ABCA10: variants seen among roughly 807,000 people sequenced by gnomAD.
ABCA10 encodes the protein ATP-binding cassette sub-family A member 10.
A neutral mutation model predicts 187.5 loss-of-function variants in ABCA10; 169 were observed. The ratio of observed to expected loss-of-function variants is 0.90; its 90% CI spans 0.80 to 1.02. The LOEUF is 1.02. Ranked by LOEUF, ABCA10 falls within the 50% of genes least tolerant of loss-of-function variation. The pLI is 0.00. For synonymous variants in ABCA10, 574 were observed against 601.8 expected (o/e 0.95, Z 0.68); for missense variants, 1,727 against 1,812.4 (o/e 0.95, Z 0.86).
At chr17:69,192,091 A>T (rs1465092225) in intron 16 of ABCA10, among the ~76,000 whole-genome samples, 1 of 152,160 alleles carries the variant, frequency 6.6e-6, no homozygotes, top group Admixed American at 6.5e-5. Context: ...TTGGGAGGCC[A>T]AGGCAGGCAG....
At chr17:69,160,073 C>T (rs566697493) in intron 27 of ABCA10, among the ~76,000 whole-genome samples, 5 of 152,064 alleles carry the variant, frequency 3.3e-5, no homozygotes, top group Admixed American at 2.6e-4. Flanking sequence ...GACTAGACAG[C>T]GATTTATTCA....
intron 27 of ABCA10, among the ~76,000 whole-genome samples, chr17:69,163,653 AAT>A (rs1255251735): frequency 6.6e-6 from 1 of 152,224 alleles, no homozygotes; most frequent in Middle Eastern, 3.2e-3. Flanking sequence ...CATTTGCCAT[AAT>A]ACACAGAAAT....
intron 3 of ABCA10, among the ~76,000 whole-genome samples, chr17:69,224,378 G>A (rs2074775713): frequency 6.6e-6 from 1 of 152,124 alleles, no homozygotes; most frequent in Non-Finnish European, 1.5e-5. Flanking sequence ...CTGGCAGAAT[G>A]AGGGCTAACA....
intron 1 of ABCA10, chr17:69,244,292 T>C (rs1315631511): frequency 6.6e-6 from 1 of 151,882 alleles, no homozygotes; most frequent in Non-Finnish European, 1.5e-5. Context: ...CTCAGATACT[T>C]AAAAAAAATT....
intron 22 of ABCA10, among the ~76,000 whole-genome samples, chr17:69,179,323 A>G (rs1235717890): frequency 6.6e-6 from 1 of 152,220 alleles, no homozygotes; most frequent in Non-Finnish European, 1.5e-5. Context: ...GTCTGGAGGT[A>G]ATATGCTAAG....
At chr17:69,157,036 G>T (rs1468784790) in intron 27 of ABCA10, 113 bp from the exon 28 acceptor site, 4 of 622,958 alleles carry the variant, frequency 6.4e-6, no homozygotes, top group African/African-American at 5.9e-5. Flanking sequence ...TTGAAGATTT[G>T]ATCATTTTCT....
intron 22 of ABCA10, among the ~76,000 whole-genome samples, chr17:69,177,562 A>G (rs1418043452): frequency 2.6e-5 from 4 of 152,128 alleles, no homozygotes; most frequent in African/African-American, 9.7e-5. Context: ...GCCATATTAG[A>G]ACTTGACTTG....
chr17:69,218,132 T>G (rs552380132), intron 6 of ABCA10, among the ~76,000 whole-genome samples: 1 of 152,262 alleles, frequency 6.6e-6, no homozygotes, highest in African/African-American at 2.4e-5. Flanking sequence ...TATACAACTA[T>G]GATGCATCAG....
At chr17:69,198,265 G>T (rs1271477311) in intron 10 of ABCA10, among the ~76,000 whole-genome samples, 1 of 152,166 alleles carries the variant, frequency 6.6e-6, no homozygotes, top group Non-Finnish European at 1.5e-5. Context: ...TATGACCTCT[G>T]TGCTTTATTT....
chr17:69,196,050 GC>G (rs1485366064), intron 11 of ABCA10, among the ~76,000 whole-genome samples: 1 of 152,182 alleles, frequency 6.6e-6, no homozygotes, highest in East Asian at 1.9e-4. Context: ...CATCATCATG[GC>G]CCGTTCTCAA....
intron 27 of ABCA10, among the ~76,000 whole-genome samples, chr17:69,162,271 G>C (rs1050696416): frequency 8.5e-5 from 13 of 152,126 alleles, no homozygotes; most frequent in Admixed American, 7.9e-4. Flanking sequence ...TGATTCTGAA[G>C]ACAAATCACA....
upstream of ABCA10, among the ~76,000 whole-genome samples, chr17:69,229,961 ATG>A (rs2074819711): frequency 1.3e-5 from 2 of 152,076 alleles, no homozygotes; most frequent in Non-Finnish European, 1.5e-5. Context: ...TGTGATTTGA[ATG>A]TCTCCTCTAA....
intron 22 of ABCA10, among the ~76,000 whole-genome samples, chr17:69,181,347 A>G (rs2144788742): frequency 6.6e-6 from 1 of 152,304 alleles, no homozygotes; most frequent in East Asian, 1.9e-4. Context: ...TAAGTTGTAT[A>G]TGGTAAACCA....
chr17:69,164,545 C>A (rs1356358640), intron 26 of ABCA10, among the ~76,000 whole-genome samples: 1 of 152,118 alleles, frequency 6.6e-6, no homozygotes, highest in Non-Finnish European at 1.5e-5. Context: ...ACTCCAAAAG[C>A]AATTTATTGA....
Position 69,182,227 on chromosome 17 carries a change from T to A in ABCA10, c.2695A>T (p.Ile899Phe). 1 of 1,601,176 alleles carries A rather than the reference T, an allele frequency of 6.2e-7. No individual in the cohort carries two copies. The change falls in exon 22 of 39, where the codon ATT (isoleucine) becomes TTT (phenylalanine). Residue 899 changes from isoleucine (I) to phenylalanine (F), a missense_variant. Transcript: ENST00000690296. ...ATTCCCATAAGGGCATTGCTAACAA[T>A]TCCCATAAGAACAGGAAAACAATTC... The part of the protein sequence containing the change: ...KLNCFPVLMG[I>F]VSNALMGIFN...
chr17:69,185,163 G>A (rs541987455), intron 20 of ABCA10, among the ~76,000 whole-genome samples: 86 of 152,144 alleles, frequency 5.7e-4, no homozygotes, highest in Middle Eastern at 6.8e-3. Flanking sequence ...GTGGGACGGG[G>A]TTGAGGGATA....
intron 25 of ABCA10, among the ~76,000 whole-genome samples, chr17:69,171,934 C>CAAA (rs555588771): frequency 8.7e-5 from 7 of 80,226 alleles, no homozygotes; most frequent in East Asian, 2.9e-4. Context: ...TTTGGGAAGC[C>CAAA]AAAAAAAAAA....
chr17:69,203,036 G>C lies in ABCA10; in HGVS notation c.1007-1368C>G, dbSNP rs117356234. 6.3e-3 allele frequency among the ~76,000 whole-genome samples: 957 copies of C among 152,230 alleles called. 8 individuals are homozygous for C. The highest frequency in any genetic ancestry group is 0.01 in the Middle Eastern group (3 of 294). On this transcript the variant is annotated intron_variant, in intron 9 of 38. Coordinates refer to ENST00000690296, the MANE Select transcript of ABCA10 (RefSeq NM_001377321.1). ...GCAAAAGAAGAGCTAAGGAAGAAGA[G>C]ACACAACATATAAACTTCTTGATGT...
intron 9 of ABCA10, among the ~76,000 whole-genome samples, chr17:69,207,626 A>G (rs1418590444): frequency 6.6e-6 from 1 of 152,346 alleles, no homozygotes; most frequent in East Asian, 1.9e-4. Flanking sequence ...ACCTGGAGAT[A>G]CATTATGTTA....
Sources: gnomAD v4.1 joint callset for allele counts (sites outside exome capture counted in the v4.1 genomes callset) on GRCh38, gnomAD v4.1.1 for gene constraint, MANE v1.5 for transcripts, NCBI Gene and HGNC (gene_info 2026-07-23, HGNC 2026-07-21) for gene names.